Variants in KDM4C observed in about 807,000 individuals in gnomAD.
The protein encoded by KDM4C is lysine demethylase 4C.
A neutral mutation model predicts 129.3 loss-of-function variants in KDM4C; 81 were observed. That is an observed-to-expected ratio of 0.63 (90% CI 0.52 to 0.75). The LOEUF (loss-of-function observed/expected upper bound fraction) is 0.75, where lower values mean the gene tolerates loss of function less well. Among genes scored for constraint, KDM4C ranks in the 30% least tolerant of loss-of-function variants. The pLI, the probability that KDM4C is intolerant of heterozygous loss-of-function variation, is 0.00. For synonymous variants in KDM4C, 573 were observed against 456.1 expected (o/e 1.26, Z -3.26); for missense variants, 1,457 against 1,304.0 (o/e 1.12, Z -1.81).
In KDM4C at chr9:6,986,647, A is replaced by G. The variant is rs779512051; in HGVS notation, c.1658A>G (p.Asn553Ser). The change falls in exon 11 of 22, where the codon AAT becomes AGT. Residue 553 changes from asparagine (N) to serine (S), a missense_variant. Transcript: ENST00000381309. ...EIPAVPSGER[N>S]SFKVPSIAEG... ...CCAGCGGTCCCCAGTGGAGAGAGAA[A>G]TAGCTTCAAAGTCCCCAGTGTATGT... is the stretch of plus-strand genomic sequence containing the variant. The G allele has an allele frequency of 1.5e-5, 24 of 1,607,984 alleles. No individual in the cohort carries two copies. The African/African-American group carries it at 2.4e-4, about 16-fold the overall frequency.
chr9:7,087,089 CTTTT>C (rs56161284), intron 17 of KDM4C, among the ~76,000 whole-genome samples: 2 of 145,508 alleles, frequency 1.4e-5, no homozygotes, highest in African/African-American at 5.0e-5. Flanking sequence ...TTACGTGGCT[CTTTT>C]TTTTTTTTTC....
At chr9:6,776,525 C>T (rs1265966764) in intron 1 of KDM4C, among the ~76,000 whole-genome samples, 4 of 151,774 alleles carry the variant, frequency 2.6e-5, no homozygotes, top group Non-Finnish European at 4.4e-5. Context: ...CAGGCGTGAG[C>T]CACTGTGCCC....
chr9:6,778,815 CT>C (rs34355554), intron 1 of KDM4C, among the ~76,000 whole-genome samples: 13,981 of 141,286 alleles, frequency 0.099, 775 homozygotes, highest in Non-Finnish European at 0.12. Context: ...GATTTGGTGC[CT>C]TTTTTTTTTT....
chr9:7,074,318 C>G (rs1833614788), intron 17 of KDM4C, among the ~76,000 whole-genome samples: 1 of 152,112 alleles, frequency 6.6e-6, no homozygotes, highest in Non-Finnish European at 1.5e-5. Flanking sequence ...CATGTGCCAA[C>G]TTGCATGGCT....
chr9:7,162,568 T>G (rs1843915395), intron 19 of KDM4C, among the ~76,000 whole-genome samples: 1 of 152,244 alleles, frequency 6.6e-6, no homozygotes, highest in South Asian at 2.1e-4. Flanking sequence ...TTTTTAGGAT[T>G]AAACTGCTCG....
chr9:6,961,587 C>G (rs1456369349), intron 8 of KDM4C, among the ~76,000 whole-genome samples: 2 of 152,070 alleles, frequency 1.3e-5, no homozygotes, highest in Admixed American at 1.3e-4. Context: ...TATAAATTGT[C>G]TTTTTAAATA....
At chr9:6,809,442 T>C (rs768885749) in intron 3 of KDM4C, among the ~76,000 whole-genome samples, 3 of 152,200 alleles carry the variant, frequency 2.0e-5, no homozygotes, top group Non-Finnish European at 2.9e-5. Context: ...ATTGAATAGG[T>C]TAGGTCATTG....
chr9:7,094,670 C>G (rs1335319304), intron 17 of KDM4C, among the ~76,000 whole-genome samples: 2 of 152,174 alleles, frequency 1.3e-5, no homozygotes, highest in African/African-American at 4.8e-5. Flanking sequence ...CTGCAGTTGT[C>G]TCCCCTGAAA....
intron 12 of KDM4C, 113 bp downstream of exon 12, chr9:6,990,637 C>A: frequency 1.5e-6 from 1 of 652,888 alleles, no homozygotes. Context: ...CAAATACGTA[C>A]TATTAGGAGA....
chr9:7,150,452 G>C (rs1035537975), intron 19 of KDM4C, among the ~76,000 whole-genome samples: 2 of 152,212 alleles, frequency 1.3e-5, no homozygotes, highest in Non-Finnish European at 2.9e-5. Flanking sequence ...ACAGTGCCTT[G>C]TATTGCAGAT....
In KDM4C at chr9:6,893,115, A is replaced by G. The variant is rs1846337587; in HGVS notation, c.804A>G (p.Glu268=). 40 of 1,590,954 alleles carry G rather than the reference A, an allele frequency of 2.5e-5. No individual in the cohort carries two copies. The highest frequency in any genetic ancestry group is 3.2e-5 in the Non-Finnish European group (37 of 1,168,304). ...TGCAGATAACCCAGGAGGCTGGAGAATTCATGATCACTTTCCCATATGGCT... is the reference window on the plus strand; with the variant it reads ...TGCAGATAACCCAGGAGGCTGGAGAGTTCATGATCACTTTCCCATATGGCT... ...PFDKITQEAG[E]FMITFPYGYH... Residue 268 remains glutamate (E), a synonymous_variant, in exon 8 of 22, where the codon GAA becomes GAG. Transcript: ENST00000381309.
chr9:7,074,293 A>G (rs943456648), intron 17 of KDM4C, among the ~76,000 whole-genome samples: 1 of 152,048 alleles, frequency 6.6e-6, no homozygotes, highest in Non-Finnish European at 1.5e-5. Flanking sequence ...CTTCCCAGGT[A>G]GCTAGGATTA....
intron 8 of KDM4C, chr9:6,924,907 A>T (rs187455441): frequency 1.0e-6 from 1 of 984,874 alleles, no homozygotes; most frequent in East Asian, 1.1e-4. Context: ...TGTTGGTCAG[A>T]GTACAGCCTT....
chr9:6,721,220 C>T, intron 1 of KDM4C: 1 of 260,334 alleles, frequency 3.8e-6, no homozygotes, highest in Non-Finnish European at 7.0e-6. Flanking sequence ...ATTACCAGTG[C>T]ATGCCACTAT....
At chr9:6,798,957 C>A (rs1166163866) in intron 2 of KDM4C, among the ~76,000 whole-genome samples, 7 of 151,084 alleles carry the variant, frequency 4.6e-5, no homozygotes, top group African/African-American at 9.7e-5. Context: ...TCCTCACATC[C>A]CAGACGATGG....
intron 15 of KDM4C, among the ~76,000 whole-genome samples, chr9:7,016,989 G>A (rs1823817158): frequency 6.6e-6 from 1 of 152,112 alleles, no homozygotes; most frequent in Non-Finnish European, 1.5e-5. Flanking sequence ...AGACTGGAGT[G>A]CAGTGGTGCA....
At chr9:7,075,965 C>G (rs996654457) in intron 17 of KDM4C, among the ~76,000 whole-genome samples, 27 of 152,142 alleles carry the variant, frequency 1.8e-4, no homozygotes, top group Non-Finnish European at 2.9e-5. Flanking sequence ...TCAACCCTCC[C>G]TTTTCCTCAG....
At chr9:6,897,267 G>T (rs1816615995) in intron 8 of KDM4C, among the ~76,000 whole-genome samples, 1 of 152,174 alleles carries the variant, frequency 6.6e-6, no homozygotes, top group African/African-American at 2.4e-5. Flanking sequence ...AGAGAGTGAA[G>T]GGACATTTAC....
At chr9:6,722,324 A>C (rs1816982789) in intron 1 of KDM4C, among the ~76,000 whole-genome samples, 1 of 152,094 alleles carries the variant, frequency 6.6e-6, no homozygotes, top group Non-Finnish European at 1.5e-5. Flanking sequence ...GGGCTGGGTT[A>C]GATGAAATGG....
Sources: allele counts gnomAD v4.1 joint callset (sites outside exome capture counted in the v4.1 genomes callset), GRCh38; gene constraint gnomAD v4.1.1; transcripts MANE v1.5; gene names NCBI Gene and HGNC (gene_info 2026-07-23, HGNC 2026-07-21).